The following SLIT2 variants were observed in gnomAD, a reference collection of about 807,000 sequenced individuals.
The protein encoded by SLIT2 is slit guidance ligand 2.
Under a neutral mutation model 185.7 loss-of-function variants are expected in SLIT2, and 41 were observed. The observed-to-expected ratio is 0.22, with a 90% confidence interval of 0.17 to 0.29. SLIT2 has a LOEUF of 0.29. SLIT2 is among the 10% of genes least tolerant of loss of function. The pLI, the probability that SLIT2 is intolerant of heterozygous loss-of-function variation, is 1.00. For missense variants in SLIT2, 1,571 were observed against 1,909.0 expected (o/e 0.82, Z 3.30); for synonymous variants, 693 against 680.2 (o/e 1.02, Z -0.29).
rs183810938 is a variant in SLIT2 at position 20,457,612 on chromosome 4, A to C, written c.396-10140A>C. Among the ~76,000 whole-genome samples the C allele has an allele frequency of 2.5e-3, 385 of 152,194 alleles. 1 individual carries two copies. The highest frequency in any genetic ancestry group is 8.9e-3 in the African/African-American group (370 of 41,544). Reference sequence around the variant, plus strand: ...ACATTTCCCCCTTTATTATTTCAAAACTTTCTATATTTTCTTAGTGATTTT... The same window carrying C: ...ACATTTCCCCCTTTATTATTTCAAACCTTTCTATATTTTCTTAGTGATTTT... On this transcript the variant is annotated intron_variant, in intron 4 of 36. Transcript: ENST00000504154.
intron 9 of SLIT2, among the ~76,000 whole-genome samples, chr4:20,497,042 T>G (rs1718287779): frequency 6.6e-6 from 1 of 150,632 alleles, no homozygotes; most frequent in Admixed American, 6.7e-5. Context: ...TACTTGGATT[T>G]CCACTCTTTA....
At chr4:20,390,360 C>T (rs569166020) in intron 4 of SLIT2, among the ~76,000 whole-genome samples, 3 of 152,158 alleles carry the variant, frequency 2.0e-5, no homozygotes, top group East Asian at 1.9e-4. Flanking sequence ...TACAAACATG[C>T]GTGAGGCAAG....
intron 34 of SLIT2, among the ~76,000 whole-genome samples, chr4:20,612,653 C>T (rs1417059947): frequency 6.6e-6 from 1 of 152,142 alleles, no homozygotes; most frequent in Non-Finnish European, 1.5e-5. Context: ...CGCGGTGGCT[C>T]ACGTCCGTAA....
At chr4:20,535,089 A>G (rs1722152346) in intron 18 of SLIT2, among the ~76,000 whole-genome samples, 1 of 152,136 alleles carries the variant, frequency 6.6e-6, no homozygotes, top group Non-Finnish European at 1.5e-5. Context: ...TCACGAGGTC[A>G]GGAGTTCAAG....
At chr4:20,305,559 T>G (rs1305460050) in intron 4 of SLIT2, among the ~76,000 whole-genome samples, 1 of 152,092 alleles carries the variant, frequency 6.6e-6, no homozygotes, top group African/African-American at 2.4e-5. Context: ...TAGTTATTAC[T>G]TCCTTGTAAA....
chr4:20,475,884 A>G (rs1470906326), intron 5 of SLIT2, among the ~76,000 whole-genome samples: 2 of 152,146 alleles, frequency 1.3e-5, no homozygotes, highest in Admixed American at 6.6e-5. Flanking sequence ...ATATAACTTT[A>G]TACCATAGGC....
intron 4 of SLIT2, among the ~76,000 whole-genome samples, chr4:20,294,173 C>A (rs1282993270): frequency 6.6e-6 from 1 of 151,860 alleles, no homozygotes; most frequent in South Asian, 2.1e-4. Context: ...CATGACGAAA[C>A]CCTGTCTCTA....
intron 4 of SLIT2, among the ~76,000 whole-genome samples, chr4:20,423,851 T>C: frequency 6.6e-6 from 1 of 152,164 alleles, no homozygotes; most frequent in East Asian, 1.9e-4. Flanking sequence ...TTCATTTAAA[T>C]GTTTGAGTTT....
At chr4:20,375,708 C>A (rs1723957680) in intron 4 of SLIT2, among the ~76,000 whole-genome samples, 1 of 151,888 alleles carries the variant, frequency 6.6e-6, no homozygotes, top group African/African-American at 2.4e-5. Flanking sequence ...TTTTAACAAC[C>A]TGGTCATTAC....
At chr4:20,321,873 C>T (rs1719120240) in intron 4 of SLIT2, among the ~76,000 whole-genome samples, 1 of 152,036 alleles carries the variant, frequency 6.6e-6, no homozygotes, top group Non-Finnish European at 1.5e-5. Flanking sequence ...TCTGAAGGGA[C>T]AGTGGTTCTC....
intron 9 of SLIT2, among the ~76,000 whole-genome samples, chr4:20,493,430 A>G (rs1409344522): frequency 1.3e-5 from 2 of 152,162 alleles, no homozygotes; most frequent in Non-Finnish European, 2.9e-5. Context: ...TTACTACCTA[A>G]AGGCACCATT....
rs755383778 is a variant in SLIT2, at chr4:20,253,950, G to C, written c.135G>C (p.Ala45=). The C allele has an allele frequency of 3.1e-6, 5 of 1,602,900 alleles. No individual in the cohort carries two copies. Among genetic ancestry groups the C allele is most frequent in the Non-Finnish European group, 4.2e-6 (5 of 1,179,898 alleles). Residue 45 remains alanine (A), a synonymous_variant, in exon 1 of 37, where the codon GCG becomes GCC. Transcript: ENST00000504154. ...GCACAGTGGACTGTCACGGGCTGGCGCTGCGCAGCGTGCCCAGGAATATCC... is the reference window on the plus strand; with the variant it reads ...GCACAGTGGACTGTCACGGGCTGGCCCTGCGCAGCGTGCCCAGGAATATCC... ...SGSTVDCHGL[A]LRSVPRNIPR... is the part of the protein sequence containing the mutation.
chr4:20,387,886 G>C (rs915797314), intron 4 of SLIT2, among the ~76,000 whole-genome samples: 1 of 152,120 alleles, frequency 6.6e-6, no homozygotes, highest in Non-Finnish European at 1.5e-5. Flanking sequence ...GATCTACAGG[G>C]TTGTAAGGTA....
chr4:20,322,152 A>T (rs547594005), intron 4 of SLIT2, among the ~76,000 whole-genome samples: 2 of 152,288 alleles, frequency 1.3e-5, no homozygotes, highest in East Asian at 3.9e-4. Flanking sequence ...CCTCCATTTC[A>T]TATGTGAACC....
At chr4:20,585,132 C>CG (rs1249590465) in intron 29 of SLIT2, among the ~76,000 whole-genome samples, 12 of 151,510 alleles carry the variant, frequency 7.9e-5, no homozygotes, top group Non-Finnish European at 1.6e-4. Context: ...CAACATGTAG[C>CG]ACTTTTTCTT....
intron 5 of SLIT2, among the ~76,000 whole-genome samples, chr4:20,478,172 A>T (rs1328981271): frequency 1.3e-5 from 2 of 152,204 alleles, no homozygotes; most frequent in African/African-American, 2.4e-5. Flanking sequence ...ATATCAAAAA[A>T]TTGACAGGTT....
At chr4:20,616,855 A>G (rs746033890) in intron 34 of SLIT2, 55 bp from the exon 35 acceptor site, 39 of 1,522,618 alleles carry the variant, frequency 2.6e-5, no homozygotes, top group Non-Finnish European at 3.0e-5. Flanking sequence ...TCTGAGTAGC[A>G]AATGGCTCAG....
intron 4 of SLIT2, among the ~76,000 whole-genome samples, chr4:20,311,535 A>C (rs1718108492): frequency 1.3e-5 from 2 of 152,190 alleles, no homozygotes; most frequent in African/African-American, 4.8e-5. Flanking sequence ...AATCTTTATA[A>C]AATTTTGCTA....
In SLIT2 at chr4:20,353,964, T is replaced by C. The variant is rs192105155; in HGVS notation, c.395+85083T>C. Among the ~76,000 whole-genome samples the C allele has an allele frequency of 9.3e-4, 141 of 152,232 alleles. 1 individual carries two copies. The highest frequency in any genetic ancestry group is 3.2e-3 in the African/African-American group (131 of 41,530). ...TGGGATCTGCATAATAAAGTATACT[T>C]CCCATAACTTAAAAGTAATCATGTT... On this transcript the variant is annotated intron_variant, in intron 4 of 36. Transcript: ENST00000504154.
Sources: gnomAD v4.1 joint callset for allele counts (sites outside exome capture counted in the v4.1 genomes callset) on GRCh38, gnomAD v4.1.1 for gene constraint, MANE v1.5 for transcripts, NCBI Gene and HGNC (gene_info 2026-07-23, HGNC 2026-07-21) for gene names.